PCDH12: variants seen among roughly 807,000 people sequenced by gnomAD.
PCDH12 encodes protocadherin-12.
PCDH12 carries 45 observed loss-of-function variants against 70.9 expected under a neutral mutation model. The observed-to-expected ratio is 0.63, with a 90% CI of 0.50 to 0.81. The LOEUF is 0.81. Ranked by LOEUF, PCDH12 falls within the 40% of genes least tolerant of loss-of-function variation. The pLI is 0.00. For synonymous variants in PCDH12, 567 were observed against 626.0 expected (o/e 0.91, Z 1.41); for missense variants, 1,370 against 1,491.7 (o/e 0.92, Z 1.34).
rs1180518418 is a variant in PCDH12 at position 141,956,042 on chromosome 5, C to T, written c.1810G>A (p.Asp604Asn). 5.6e-6 allele frequency: 9 copies of T among 1,613,990 alleles called. No individual in the cohort carries two copies. The Admixed American group carries it at 1.5e-4, about 27-fold the overall frequency. ...CTGTGAGTGGCCAGTGGAGGTGTGT[C>T]AGTGCCCGCTGGGCCCAAGCCATTG... ...TPNGLGPAGT[D>N]TPPLATHSSR... is the part of the protein sequence containing the mutation. The change falls in exon 1 of 4, where the codon GAC becomes AAC. Residue 604 changes from aspartate (D) to asparagine (N), a missense_variant. Coordinates refer to ENST00000231484, the MANE Select transcript of PCDH12 (RefSeq NM_016580.4).
chr5:141,950,288 G>T (rs767307267), intron 2 of PCDH12, among the ~76,000 whole-genome samples: 2 of 152,170 alleles, frequency 1.3e-5, no homozygotes, highest in Non-Finnish European at 2.9e-5. Context: ...CATCCCAGCA[G>T]GTGGGAAGGC....
intron 2 of PCDH12, among the ~76,000 whole-genome samples, chr5:141,951,000 A>G (rs1191255089): frequency 6.6e-6 from 1 of 152,166 alleles, no homozygotes; most frequent in Non-Finnish European, 1.5e-5. Context: ...GAATCAAGCT[A>G]CTCAGAGCCT....
Position 141,956,403 on chromosome 5 carries a change from C to G in PCDH12, c.1449G>C (p.Lys483Asn). Residue 483 changes from lysine (K) to asparagine (N), a missense_variant, in exon 1 of 4, where the codon AAG (lysine) becomes AAC (asparagine). Coordinates refer to ENST00000231484, the MANE Select transcript of PCDH12 (RefSeq NM_016580.4). The stretch of plus-strand genomic sequence containing the variant: ...TAATGCCCAAGTCTGCATCATGAGC[C>G]TTGATGGTAATGAGGTGAAGAGAGG... ...NLPSLHLITI[K>N]AHDADLGING... The G allele has an allele frequency of 1.2e-6, 2 of 1,614,226 alleles. No homozygotes were observed. The highest frequency in any genetic ancestry group is 1.7e-6 in the Non-Finnish European group (2 of 1,180,054).
At position 141,956,184 on chromosome 5, in the gene PCDH12, C is replaced by G. The variant is rs1338287537; in HGVS notation, c.1668G>C (p.Leu556Phe). Residue 556 changes from leucine (L) to phenylalanine (F), a missense_variant, in exon 1 of 4, where the codon TTG becomes TTC. Transcript: ENST00000231484. The stretch of plus-strand genomic sequence containing the variant: ...CCTCTGGGGCATTATCATTGGCATC[C>G]AAGAGGCTGACCCACACAGAGACAC... ...ASSVSVWVSL[L>F]DANDNAPEVV... is the part of the protein sequence containing the mutation. 1 of 1,614,192 alleles carries G rather than the reference C, an allele frequency of 6.2e-7. No homozygotes were observed. Among genetic ancestry groups the G allele is most frequent in the South Asian group, 1.1e-5 (1 of 91,078 alleles).
chr5:141,946,062 A>G (rs113715417), intron 3 of PCDH12, among the ~76,000 whole-genome samples: 3,228 of 152,240 alleles, frequency 0.021, 119 homozygotes, highest in African/African-American at 0.074. Flanking sequence ...CTAGAAGTAG[A>G]AATTTGCCGA....
chr5:141,955,799 AG>A lies in PCDH12; in HGVS notation c.2052del (p.Leu685TyrfsTer7), dbSNP rs748127746. The A allele has an allele frequency of 3.7e-6, 6 of 1,613,776 alleles. No homozygotes were observed. Among genetic ancestry groups the A allele is most frequent in the South Asian group, 1.1e-5 (1 of 91,022 alleles). Reference sequence around the variant, plus strand: ...ACCCTCAACAGGGCTCGGGTCTGTAAGGGGGGGCTTCCCTGGTCCTCTACTA... The same window carrying A: ...ACCCTCAACAGGGCTCGGGTCTGTAAGGGGGGCTTCCCTGGTCCTCTACTA... ...EIVVEDQGSP[P>X]LQTRALLRVM... is the part of the protein sequence containing the mutation. On this transcript the variant is annotated frameshift_variant, in exon 1 of 4. Transcript: ENST00000231484. LOFTEE classifies it high-confidence loss of function. The surrounding 1 kb of genome is among the most constrained non-coding windows in gnomAD (Gnocchi z 5.5).
At chr5:141,950,331 C>T (rs775300778) in intron 2 of PCDH12, among the ~76,000 whole-genome samples, 1 of 152,154 alleles carries the variant, frequency 6.6e-6, no homozygotes, top group Admixed American at 6.5e-5. Context: ...AGGAGTCCTT[C>T]TGTTTGTTTG....
intron 1 of PCDH12, among the ~76,000 whole-genome samples, chr5:141,954,227 A>G (rs1753138041): frequency 6.6e-6 from 1 of 152,200 alleles, no homozygotes. Context: ...GTTCTAAGGT[A>G]ATTTCCACTG....
intron 1 of PCDH12, chr5:141,952,850 C>T (rs914373827): frequency 6.6e-6 from 1 of 152,244 alleles, no homozygotes; most frequent in African/African-American, 2.4e-5. Context: ...CTGCTTCCTC[C>T]TCCTGGGTCC....
At chr5:141,951,772 C>T (rs1753088678) in intron 1 of PCDH12, among the ~76,000 whole-genome samples, 182 bp from the exon 2 acceptor site, 1 of 152,106 alleles carries the variant, frequency 6.6e-6, no homozygotes, top group African/African-American at 2.4e-5. Context: ...GGGCAGGTCC[C>T]CTGCTCTGTC....
At position 141,955,664 on chromosome 5, in the gene PCDH12, C is replaced by T. The variant is rs755424368; in HGVS notation, c.2188G>A (p.Gly730Arg). 13 of 1,613,996 alleles carry T rather than the reference C, an allele frequency of 8.1e-6. No individual in the cohort carries two copies. Among genetic ancestry groups the T allele is most frequent in the Non-Finnish European group, 1.1e-5 (13 of 1,180,008 alleles). The change falls in exon 1 of 4, where the codon GGG (glycine) becomes AGG (arginine). Residue 730 changes from glycine to arginine, a missense_variant. By Grantham distance (125) the Gly-to-Arg change is moderately radical (BLOSUM62 -2). Transcript: ENST00000231484. The surrounding 1 kb of genome is among the most constrained non-coding windows in gnomAD (Gnocchi z 5.5). ...ICLAVLLGIF[G>R]LILALFMSIC... ...GACATGAACAAAGCCAGGATCAACCCGAAGATGCCCAACAGTACAGCCAGG... is the reference window on the plus strand; with the variant it reads ...GACATGAACAAAGCCAGGATCAACCTGAAGATGCCCAACAGTACAGCCAGG...
intron 2 of PCDH12, among the ~76,000 whole-genome samples, chr5:141,951,045 A>G (rs1324305094): frequency 3.3e-5 from 5 of 152,152 alleles, no homozygotes; most frequent in African/African-American, 1.2e-4. Flanking sequence ...GTTGGATTTG[A>G]TGTTCTCTTA....
At chr5:141,946,196 G>A (rs1752922970) in intron 3 of PCDH12, among the ~76,000 whole-genome samples, 1 of 152,212 alleles carries the variant, frequency 6.6e-6, no homozygotes, top group Non-Finnish European at 1.5e-5. Flanking sequence ...AGGATGGAGG[G>A]AAAATCCCTT....
At chr5:141,949,994 T>A (rs1753045035) in intron 2 of PCDH12, among the ~76,000 whole-genome samples, 1 of 152,200 alleles carries the variant, frequency 6.6e-6, no homozygotes, top group South Asian at 2.1e-4. Context: ...CAGCCGTCCA[T>A]CCGTCCGTAG....
In PCDH12 at chr5:141,954,737, A is replaced by G. The variant is rs564228505; in HGVS notation, c.2880+235T>C. 5.3e-5 allele frequency among the ~76,000 whole-genome samples: 8 copies of G among 152,336 alleles called. No homozygotes were observed. In the South Asian group the frequency reaches 1.7e-3, roughly 32 times the overall value. On this transcript the variant is annotated intron_variant, in intron 1 of 3. Coordinates refer to ENST00000231484, the MANE Select transcript of PCDH12 (RefSeq NM_016580.4). The stretch of plus-strand genomic sequence containing the variant: ...GGTAGATACTCTTACTATCATCTCT[A>G]ATTTACAGATAAGACAACTAAGGCC...
rs201420745 is a variant in PCDH12 at position 141,945,782 on chromosome 5, C to T, written c.3154G>A (p.Ala1052Thr). Residue 1052 changes from alanine to threonine, a missense_variant, in exon 4 of 4, where the codon GCC (alanine) becomes ACC (threonine). Physicochemically the swap from Ala to Thr is moderately conservative, Grantham distance 58. Transcript: ENST00000231484. The part of the protein sequence containing the change: ...STGLALDRLS[A>T]PDPAWMARLS... ...CTCGCCATCCAGGCCGGGTCAGGGG[C>T]GCTCAGCCGGTCCAGGGCCAGACCT... 56 of 1,612,984 alleles carry T rather than the reference C, an allele frequency of 3.5e-5. 2 individuals carry two copies. The South Asian group carries it at 4.7e-4, about 14-fold the overall frequency.
Position 141,957,868 on chromosome 5 carries a change from G to A in PCDH12, c.-17C>T. 6.3e-7 allele frequency: 1 copy of A among 1,588,358 alleles called. No individual in the cohort carries two copies. Among genetic ancestry groups the A allele is most frequent in the South Asian group, 1.1e-5 (1 of 89,532 alleles). Reference sequence around the variant, plus strand: ...TTGCATCATGCTTACCGCCAAGTGGGCTAGATTCAGAAACCACTAGAGTTC... The same window carrying A: ...TTGCATCATGCTTACCGCCAAGTGGACTAGATTCAGAAACCACTAGAGTTC... On this transcript the variant is annotated 5_prime_UTR_variant, in exon 1 of 4. Transcript: ENST00000231484. This position sits in a 1 kb window ranked among gnomAD's most constrained non-coding sequence, Gnocchi z 4.3.
In PCDH12 at chr5:141,955,071, C is replaced by T. The variant is rs906145048; in HGVS notation, c.2781G>A (p.Gly927=). 2 of 1,614,102 alleles carry T rather than the reference C, an allele frequency of 1.2e-6. No individual in the cohort carries two copies. Among genetic ancestry groups the T allele is most frequent in the African/African-American group, 2.7e-5 (2 of 74,916 alleles). The change falls in exon 1 of 4, where the codon GGG becomes GGA. Residue 927 remains glycine, a synonymous_variant. Transcript: ENST00000231484. This position sits in a 1 kb window ranked among gnomAD's most constrained non-coding sequence, Gnocchi z 5.5. ...NGKVSPEKES[G]PRQILRSLVR... is the part of the protein sequence containing the mutation. ...CCAGGCTCCGCAGGATCTGACGGGG[C>T]CCTGATTCTTTCTCAGGGGACACTT...
intron 1 of PCDH12, 86 bp from the exon 2 acceptor site, chr5:141,951,676 T>C: frequency 2.1e-6 from 2 of 962,774 alleles, no homozygotes. Context: ...TGCCGGTGCT[T>C]TCTTTTTATA....
Sources: gnomAD v4.1 joint callset for allele counts (sites outside exome capture counted in the v4.1 genomes callset) on GRCh38, gnomAD v4.1.1 for gene constraint, Gnocchi (gnomAD v3.1) non-coding constraint, MANE v1.5 for transcripts, NCBI Gene and HGNC (gene_info 2026-07-23, HGNC 2026-07-21) for gene names.